Variants in COL22A1 observed in about 807,000 individuals in gnomAD.
COL22A1 encodes the protein collagen alpha-1(XXII) chain.
In COL22A1, 221 loss-of-function variants were observed where a neutral mutation model predicts 248.9. The observed-to-expected ratio is 0.89, with a 90% CI of 0.80 to 0.99. The LOEUF is 0.99. Ranked by LOEUF, COL22A1 falls within the 50% of genes least tolerant of loss-of-function variation. COL22A1 has a pLI of 0.00. For missense variants in COL22A1, 2,240 were observed against 2,179.0 expected (o/e 1.03, Z -0.56); for synonymous variants, 891 against 793.4 (o/e 1.12, Z -2.07).
intron 4 of COL22A1, among the ~76,000 whole-genome samples, chr8:138,842,822 T>G (rs756625914): frequency 1.3e-5 from 2 of 152,242 alleles, no homozygotes; most frequent in Non-Finnish European, 1.5e-5. Flanking sequence ...AGCACCCCAC[T>G]GGGCACCAGC....
At position 138,725,501 on chromosome 8, in the gene COL22A1, T is replaced by C. The variant is rs956684566; in HGVS notation, c.2140-61A>G. Reference sequence around the variant, plus strand: ...GTCCTGATGAGCCTCCTAGGGACAGTGGGCATTTGAAAGAGGCAAAGGGAA... The same window carrying C: ...GTCCTGATGAGCCTCCTAGGGACAGCGGGCATTTGAAAGAGGCAAAGGGAA... On this transcript the variant is annotated intron_variant, in intron 23 of 64. Coordinates refer to ENST00000303045, the MANE Select transcript of COL22A1 (RefSeq NM_152888.3). 8.4e-6 allele frequency: 12 copies of C among 1,425,838 alleles called. No individual in the cohort carries two copies. The Admixed American group carries it at 2.1e-4, about 25-fold the overall frequency. 88.3% of individuals were successfully genotyped at this position (1,425,838 alleles called of 1,614,324 possible).
intron 12 of COL22A1, among the ~76,000 whole-genome samples, chr8:138,790,397 T>C (rs1007169316): frequency 1.3e-5 from 2 of 152,184 alleles, no homozygotes; most frequent in African/African-American, 2.4e-5. Flanking sequence ...ACATATGAAT[T>C]TGGGGAGCAC....
intron 22 of COL22A1, among the ~76,000 whole-genome samples, chr8:138,741,325 C>T (rs535915772): frequency 4.6e-5 from 7 of 152,254 alleles, no homozygotes; most frequent in South Asian, 2.1e-4. Flanking sequence ...TTAGAATTGC[C>T]GGGGTGGGGT....
intron 46 of COL22A1, among the ~76,000 whole-genome samples, chr8:138,649,093 C>T (rs1159193438): frequency 6.6e-6 from 1 of 152,094 alleles, no homozygotes; most frequent in African/African-American, 2.4e-5. Flanking sequence ...ATTCTATTTC[C>T]CCAGCACCCA....
At chr8:138,620,801 A>C (rs550938110) in intron 52 of COL22A1, among the ~76,000 whole-genome samples, 6 of 152,366 alleles carry the variant, frequency 3.9e-5, no homozygotes, top group African/African-American at 1.4e-4. Context: ...TTTTGGTTCC[A>C]GAGTCTGCAC....
At chr8:138,701,818 C>G (rs1166188088) in intron 31 of COL22A1, among the ~76,000 whole-genome samples, 2 of 152,224 alleles carry the variant, frequency 1.3e-5, no homozygotes, top group East Asian at 3.8e-4. Flanking sequence ...GTGTTCTTAT[C>G]TTTCAATATG....
At chr8:138,858,253 T>C (rs1822188947) in intron 3 of COL22A1, among the ~76,000 whole-genome samples, 2 of 152,216 alleles carry the variant, frequency 1.3e-5, no homozygotes, top group South Asian at 4.1e-4. Context: ...AGGGTTCTAA[T>C]GGGAAGTGGG....
chr8:138,828,001 C>T (rs1233360090), intron 5 of COL22A1: 1 of 151,714 alleles, frequency 6.6e-6, no homozygotes, highest in Non-Finnish European at 1.5e-5. Flanking sequence ...CCCTCCCCTT[C>T]CTCATCTCTC....
chr8:138,885,124 G>A (rs927808493), intron 1 of COL22A1, among the ~76,000 whole-genome samples: 3 of 152,148 alleles, frequency 2.0e-5, no homozygotes, highest in Non-Finnish European at 4.4e-5. Flanking sequence ...CCTACCCACT[G>A]TGCCTACTGC....
Position 138,877,741 on chromosome 8 carries a change from C to T in COL22A1, c.658+9G>A, listed in dbSNP as rs766273142. On this transcript the variant is annotated intron_variant, in intron 3 of 64. Coordinates refer to ENST00000303045, the MANE Select transcript of COL22A1 (RefSeq NM_152888.3). ...TGGGAGGGGCCGCATGGGGCCCGGG[C>T]GCACTCACTTTCACAAAGACGGCGC... 1.3e-6 allele frequency: 2 copies of T among 1,565,170 alleles called. No homozygotes were observed. Among genetic ancestry groups the T allele is most frequent in the African/African-American group, 1.4e-5 (1 of 73,746 alleles).
At chr8:138,825,643 G>A (rs1819522027) in intron 6 of COL22A1, 1 of 152,212 alleles carries the variant, frequency 6.6e-6, no homozygotes, top group African/African-American at 2.4e-5. Context: ...GCCTCAACCT[G>A]GGAGGGTGAG....
chr8:138,746,506 T>C (rs1832124213), intron 22 of COL22A1, among the ~76,000 whole-genome samples: 1 of 152,218 alleles, frequency 6.6e-6, no homozygotes, highest in Admixed American at 6.5e-5. Context: ...TTTTTCTCCA[T>C]AGATGCAGGC....
chr8:138,631,398 G>A (rs751632150), intron 49 of COL22A1, among the ~76,000 whole-genome samples: 2 of 152,142 alleles, frequency 1.3e-5, no homozygotes, highest in Non-Finnish European at 2.9e-5. Flanking sequence ...GCATTAGCCA[G>A]GCAGTCACCC....
At chr8:138,740,720 G>A (rs556560651) in intron 22 of COL22A1, among the ~76,000 whole-genome samples, 2 of 152,316 alleles carry the variant, frequency 1.3e-5, no homozygotes, top group Non-Finnish European at 2.9e-5. Context: ...TCAGCAAGGA[G>A]AAAGAAACCA....
At chr8:138,650,147 G>T (rs1470091580) in intron 45 of COL22A1, among the ~76,000 whole-genome samples, 1 of 152,144 alleles carries the variant, frequency 6.6e-6, no homozygotes, top group Non-Finnish European at 1.5e-5. Context: ...CAAACATTTA[G>T]TATTACTAAA....
Position 138,762,610 on chromosome 8 carries a change from A to ACACAC in COL22A1, c.1804-145_1804-144insGTGTG, listed in dbSNP as rs1554617150. 23 of 558,022 alleles carry ACACAC rather than the reference A, an allele frequency of 4.1e-5. 1 individual carries two copies. Among genetic ancestry groups the ACACAC allele is most frequent in the Admixed American group, 1.3e-4 (4 of 30,146 alleles). 34.6% of individuals were successfully genotyped at this position (558,022 alleles called of 1,614,324 possible). ...CGTGCACACACACACACACACACACAACAGCCCTAGACGGGATGTGTCTTG... is the reference window on the plus strand; with the variant it reads ...CGTGCACACACACACACACACACACACACACACAGCCCTAGACGGGATGTGTCTTG... On this transcript the variant is annotated intron_variant, in intron 16 of 64. Coordinates refer to ENST00000303045, the MANE Select transcript of COL22A1 (RefSeq NM_152888.3).
chr8:138,787,240 A>T (rs1815613873), intron 12 of COL22A1, among the ~76,000 whole-genome samples: 1 of 152,044 alleles, frequency 6.6e-6, no homozygotes, highest in South Asian at 2.1e-4. Flanking sequence ...ATGTAAAGCT[A>T]AGGATCCACA....
chr8:138,708,740 G>A (rs574544068), intron 30 of COL22A1, among the ~76,000 whole-genome samples: 32 of 152,270 alleles, frequency 2.1e-4, no homozygotes, highest in African/African-American at 7.7e-4. Flanking sequence ...AGGACTTCAT[G>A]ACTAAAACAC....
chr8:138,877,912 G>T lies in COL22A1; in HGVS notation c.496C>A (p.His166Asn). The T allele has an allele frequency of 6.2e-7, 1 of 1,609,598 alleles. No individual in the cohort carries two copies. The highest frequency in any genetic ancestry group is 2.2e-5 in the East Asian group (1 of 44,728). The change falls in exon 3 of 65, where the codon CAC becomes AAC. Residue 166 changes from histidine (H) to asparagine (N), a missense_variant. Physicochemically the swap from His to Asn is moderately conservative, Grantham distance 68 (BLOSUM62 1). Transcript: ENST00000303045. ...GCAAAGATGCGGATGCCAGCGCGGT[G>T]GGCTGCCGCCGCGGCGTCCAGCACC... ...DLVLDAAAAAHRAGIRIFAVG... is the reference protein window; with the variant it reads ...DLVLDAAAAANRAGIRIFAVG...
Sources: gnomAD v4.1 joint callset for allele counts (sites outside exome capture counted in the v4.1 genomes callset) on GRCh38, gnomAD v4.1.1 for gene constraint, MANE v1.5 for transcripts, NCBI Gene and HGNC (gene_info 2026-07-23, HGNC 2026-07-21) for gene names.